NFIX: variants seen among roughly 807,000 people sequenced by gnomAD.
The protein encoded by NFIX is nuclear factor I X, also known as nuclear factor 1 X-type.
Under a neutral mutation model 53.3 loss-of-function variants are expected in NFIX, and 2 were observed. The observed-to-expected ratio is 0.04, with a 90% CI of 0.02 to 0.12. The LOEUF (loss-of-function observed/expected upper bound fraction) is 0.12, where lower values mean the gene tolerates loss of function less well. Ranked by LOEUF, NFIX falls within the 10% of genes least tolerant of loss-of-function variation. The probability of loss-of-function intolerance (pLI) is 1.00; values close to 1 mark genes in which losing one functional copy is unlikely to be tolerated. For synonymous variants in NFIX, 244 were observed against 289.0 expected (o/e 0.84, Z 1.58); for missense variants, 310 against 674.5 (o/e 0.46, Z 5.99).
rs1378981527 is a variant in NFIX, at chr19:13,010,085, C to T, written c.27+14221C>T. Among the ~76,000 whole-genome samples the T allele has an allele frequency of 2.0e-5, 3 of 152,346 alleles. No homozygotes were observed. The East Asian group carries it at 5.8e-4, about 29-fold the overall frequency. ...TTCCTCCTCTGCAACCCGCTTTTCC[C>T]TTGCTTTCCCCTTCTTTGTTCCTCC... On this transcript the variant is annotated intron_variant, in intron 1 of 10. Coordinates refer to ENST00000592199, the MANE Select transcript of NFIX (RefSeq NM_001365902.3).
rs1180280394 is a variant in NFIX, at chr19:13,072,416, C to G, written c.560-631C>G. 1.3e-5 allele frequency among the ~76,000 whole-genome samples: 2 copies of G among 152,248 alleles called. No individual in the cohort carries two copies. Among genetic ancestry groups the G allele is most frequent in the Non-Finnish European group, 2.9e-5 (2 of 68,032 alleles). On this transcript the variant is annotated intron_variant, in intron 2 of 10. Transcript: ENST00000592199. The surrounding 1 kb of genome is among the most constrained non-coding windows in gnomAD (Gnocchi z 4.0). The stretch of plus-strand genomic sequence containing the variant: ...AGCGGGCGACAGCGTCAGGGCAGAC[C>G]TCCCCCCTCTGGGTTGCCAGGCACT...
Position 13,093,668 on chromosome 19 carries a change from G to C in NFIX, c.1495-967G>C, listed in dbSNP as rs563882926. Among the ~76,000 whole-genome samples, 3 of 152,342 alleles carry C rather than the reference G, an allele frequency of 2.0e-5. No individual in the cohort carries two copies. In the East Asian group the frequency reaches 5.8e-4, roughly 29 times the overall value. ...TGAACCAGGACCTGGTATGTGCTCTGTAGTTGGCTCCGCCTGGCCCCTGCA... is the reference window on the plus strand; with the variant it reads ...TGAACCAGGACCTGGTATGTGCTCTCTAGTTGGCTCCGCCTGGCCCCTGCA... On this transcript the variant is annotated intron_variant, in intron 10 of 10. Coordinates refer to ENST00000592199, the MANE Select transcript of NFIX (RefSeq NM_001365902.3). The surrounding 1 kb of genome is among the most constrained non-coding windows in gnomAD (Gnocchi z 4.7).
chr19:13,014,220 G>C lies in NFIX; in HGVS notation c.28-10801G>C, dbSNP rs1339183705. 2 of 151,830 alleles carry C rather than the reference G, an allele frequency of 1.3e-5. No individual in the cohort carries two copies. Among genetic ancestry groups the C allele is most frequent in the African/African-American group, 4.8e-5 (2 of 41,312 alleles). 9.4% of individuals were successfully genotyped at this position (151,830 alleles called of 1,614,324 possible). A position where few individuals can be genotyped will look rare whatever the true frequency, so the allele number is the denominator to read the frequency against. On this transcript the variant is annotated intron_variant, in intron 1 of 10. Transcript: ENST00000592199. The surrounding 1 kb of genome is among the most constrained non-coding windows in gnomAD (Gnocchi z 4.4). ...TTTTTTCTCACCCGCCGTTCCCTCC[G>C]CTCCGGTCTGATTCGCAAATCCCCA...
intron 2 of NFIX, among the ~76,000 whole-genome samples, chr19:13,065,002 G>C (rs1226088531): frequency 6.6e-6 from 1 of 152,094 alleles, no homozygotes; most frequent in African/African-American, 2.4e-5. Flanking sequence ...TTCATAACTT[G>C]ACCAAAGTCA....
rs2012417313 is a variant in NFIX, at chr19:13,012,549, A to ATG, written c.28-12470_28-12469dup. On this transcript the variant is annotated intron_variant, in intron 1 of 10. Coordinates refer to ENST00000592199, the MANE Select transcript of NFIX (RefSeq NM_001365902.3). The surrounding 1 kb of genome is among the most constrained non-coding windows in gnomAD (Gnocchi z 5.0). ...AAGGCCGCCGCCAAAAGGGGCTCCG[A>ATG]TGTCGGCATTTTTGCCTTAAGGCTA... is the stretch of plus-strand genomic sequence containing the variant. 1.3e-5 allele frequency among the ~76,000 whole-genome samples: 2 copies of ATG among 151,750 alleles called. No homozygotes were observed. Among genetic ancestry groups the ATG allele is most frequent in the Admixed American group, 1.3e-4 (2 of 15,272 alleles).
rs2018526020 is a variant in NFIX at position 13,097,381 on chromosome 19, T to C, written c.*2732T>C. ...GGAAAAGGACGAGAGAAAAATTATT[T>C]TTAAGATAATTAAACATAAAACCCT... is the stretch of plus-strand genomic sequence containing the variant. On this transcript the variant is annotated 3_prime_UTR_variant, in exon 11 of 11. Transcript: ENST00000592199. The C allele has an allele frequency of 6.6e-6, 1 of 152,578 alleles. No homozygotes were observed. Among genetic ancestry groups the C allele is most frequent in the Non-Finnish European group, 1.5e-5 (1 of 68,022 alleles). The allele number at this position is 152,578 out of a possible 1,614,324, so 9.5% of individuals were successfully genotyped here.
At position 13,052,216 on chromosome 19, in the gene NFIX, C is replaced by T. The variant is rs2015373669; in HGVS notation, c.560-20831C>T. Among the ~76,000 whole-genome samples, 3 of 152,174 alleles carry T rather than the reference C, an allele frequency of 2.0e-5. No individual in the cohort carries two copies. In the South Asian group the frequency reaches 6.2e-4, roughly 32 times the overall value. On this transcript the variant is annotated intron_variant, in intron 2 of 10. Transcript: ENST00000592199. This position sits in a 1 kb window ranked among gnomAD's most constrained non-coding sequence, Gnocchi z 5.2. Reference sequence around the variant, plus strand: ...AGGGCTCGTGAATCTGCATTTCCACCTAGTACCCAGGTGCTGTTGGTCCTC... The same window carrying T: ...AGGGCTCGTGAATCTGCATTTCCACTTAGTACCCAGGTGCTGTTGGTCCTC...
Position 13,073,104 on chromosome 19 carries a change from C to T in NFIX, c.617C>T (p.Pro206Leu). The change falls in exon 3 of 11, where the codon CCC becomes CTC. Residue 206 changes from proline to leucine, a missense_variant. Physicochemically the swap from Pro to Leu is moderately conservative, Grantham distance 98. Transcript: ENST00000592199. This position sits in a 1 kb window ranked among gnomAD's most constrained non-coding sequence, Gnocchi z 4.5. ...QQGDADIKPL[P>L]NGHLSFQDCF... ...GGAGATGCGGACATCAAACCACTGCCCAACGGTCAGTGCCCCCCACCTGCC... is the reference window on the plus strand; with the variant it reads ...GGAGATGCGGACATCAAACCACTGCTCAACGGTCAGTGCCCCCCACCTGCC... 6.2e-7 allele frequency: 1 copy of T among 1,613,982 alleles called. No individual in the cohort carries two copies. The highest frequency in any genetic ancestry group is 8.5e-7 in the Non-Finnish European group (1 of 1,179,866).
chr19:13,065,936 G>A (rs1230313569), intron 2 of NFIX, among the ~76,000 whole-genome samples: 1 of 152,146 alleles, frequency 6.6e-6, no homozygotes, highest in East Asian at 1.9e-4. Context: ...TTTAAGCTTA[G>A]GAACACCTTT....
In NFIX at chr19:13,014,860, T is replaced by TGGGCTGGTGGTAGG. The variant is rs552657276; in HGVS notation, c.28-10146_28-10133dup. On this transcript the variant is annotated intron_variant, in intron 1 of 10. Transcript: ENST00000592199. The surrounding 1 kb of genome is among the most constrained non-coding windows in gnomAD (Gnocchi z 4.4). ...TATCAGGGCTGCAGAGGTTCGGCTC[T>TGGGCTGGTGGTAGG]GGGCTGGTGGTAGGGGGCTGGTGGT... 5.9e-5 allele frequency among the ~76,000 whole-genome samples: 9 copies of TGGGCTGGTGGTAGG among 152,118 alleles called. No individual in the cohort carries two copies. The highest frequency in any genetic ancestry group is 1.9e-4 in the East Asian group (1 of 5,184).
rs937511362 is a variant in NFIX at position 13,002,921 on chromosome 19, G to C, written c.27+7057G>C. Among the ~76,000 whole-genome samples, 1 of 152,134 alleles carries C rather than the reference G, an allele frequency of 6.6e-6. No individual in the cohort carries two copies. Among genetic ancestry groups the C allele is most frequent in the Admixed American group, 6.5e-5 (1 of 15,276 alleles). ...TTCCTGGCACAGATCGGGCAAGAGC[G>C]GGGATCTGTCTGTCCCCACCTGAAT... On this transcript the variant is annotated intron_variant, in intron 1 of 10. Transcript: ENST00000592199. The surrounding 1 kb of genome is among the most constrained non-coding windows in gnomAD (Gnocchi z 6.1).
In NFIX at chr19:13,095,086, C is replaced by T. The variant is rs1294494939; in HGVS notation, c.*437C>T. The stretch of plus-strand genomic sequence containing the variant: ...CCCCTTCCTAGGGGAACCCCACCCT[C>T]CACACAGCCGGAGCTGCCCTAGGGA... On this transcript the variant is annotated 3_prime_UTR_variant, in exon 11 of 11. Coordinates refer to ENST00000592199, the MANE Select transcript of NFIX (RefSeq NM_001365902.3). The T allele has an allele frequency of 6.0e-6, 1 of 165,550 alleles. No homozygotes were observed. Among genetic ancestry groups the T allele is most frequent in the African/African-American group, 2.4e-5 (1 of 41,720 alleles). 10.3% of individuals were successfully genotyped at this position (165,550 alleles called of 1,614,324 possible).
intron 1 of NFIX, among the ~76,000 whole-genome samples, chr19:13,007,104 G>A (rs947879555): frequency 6.6e-6 from 1 of 152,044 alleles, no homozygotes; most frequent in African/African-American, 2.4e-5. Flanking sequence ...CCATCTTCCC[G>A]GTTCGCTCCC....
intron 8 of NFIX, among the ~76,000 whole-genome samples, chr19:13,087,035 C>T (rs2017820636): frequency 6.6e-6 from 1 of 152,216 alleles, no homozygotes; most frequent in African/African-American, 2.4e-5. Flanking sequence ...GCCAGGCCTT[C>T]CTGAGCCCAC....
chr19:13,004,729 G>A (rs1003104496), intron 1 of NFIX, among the ~76,000 whole-genome samples: 2 of 151,848 alleles, frequency 1.3e-5, no homozygotes, highest in East Asian at 1.9e-4. Context: ...CAGGACACTC[G>A]CAGTCTTCTA....
At chr19:12,997,299 A>G (rs1298397592) in intron 1 of NFIX, among the ~76,000 whole-genome samples, 1 of 152,134 alleles carries the variant, frequency 6.6e-6, no homozygotes, top group Admixed American at 6.5e-5. Context: ...ATCAATCTAG[A>G]GTCTGTGTGT....
rs1384720918 is a variant in NFIX at position 13,037,340 on chromosome 19, A to G, written c.559+11788A>G. Among the ~76,000 whole-genome samples the G allele has an allele frequency of 1.3e-5, 2 of 152,096 alleles. No individual in the cohort carries two copies. The highest frequency in any genetic ancestry group is 3.8e-4 in the East Asian group (2 of 5,202). On this transcript the variant is annotated intron_variant, in intron 2 of 10. Transcript: ENST00000592199. This position sits in a 1 kb window ranked among gnomAD's most constrained non-coding sequence, Gnocchi z 4.2. ...TCCCCAGGGCATGACCACTTCCCCT[A>G]CCAGACGTAGTAGGCCAGTTTCAGC...
At chr19:13,003,673 C>T (rs578091088) in intron 1 of NFIX, among the ~76,000 whole-genome samples, 1 of 152,188 alleles carries the variant, frequency 6.6e-6, no homozygotes, top group Admixed American at 6.5e-5. Flanking sequence ...AGACTGTCAT[C>T]TGTAGCCCAG....
At chr19:13,057,553 C>T (rs377160001) in intron 2 of NFIX, among the ~76,000 whole-genome samples, 2 of 152,142 alleles carry the variant, frequency 1.3e-5, no homozygotes, top group South Asian at 2.1e-4. Context: ...GGGCCCTCCC[C>T]TGCTCATGTC....
Sources: gnomAD v4.1 joint callset for allele counts (sites outside exome capture counted in the v4.1 genomes callset) on GRCh38, gnomAD v4.1.1 for gene constraint, Gnocchi (gnomAD v3.1) non-coding constraint, MANE v1.5 for transcripts, NCBI Gene and HGNC (gene_info 2026-07-23, HGNC 2026-07-21) for gene names.